GPC6: variants seen among roughly 807,000 people sequenced by gnomAD.
GPC6 encodes the protein glypican-6.
GPC6 carries 14 observed loss-of-function variants against 55.2 expected under a neutral mutation model. The ratio of observed to expected loss-of-function variants is 0.25; its 90% CI spans 0.17 to 0.40. The LOEUF is 0.40. GPC6 is among the 10% of genes least tolerant of loss of function. The pLI is 1.00. For synonymous variants in GPC6, 278 were observed against 259.6 expected, an observed-to-expected ratio of 1.07 and a Z score of -0.68; for missense variants, 641 against 708.5, an observed-to-expected ratio of 0.90 and a Z score of 1.08.
At chr13:93,656,331 CTAAAA>C (rs1594347010) in intron 2 of GPC6, among the ~76,000 whole-genome samples, 1 of 152,024 alleles carries the variant, frequency 6.6e-6, no homozygotes, top group South Asian at 2.1e-4. Context: ...GATTACCAAA[CTAAAA>C]TGTTACCCCT....
intron 4 of GPC6, among the ~76,000 whole-genome samples, chr13:94,175,266 T>C (rs1267747085): frequency 6.6e-6 from 1 of 152,140 alleles, no homozygotes; most frequent in Admixed American, 6.6e-5. Flanking sequence ...TTGTGGATAA[T>C]ATGCTCTCTG....
At chr13:93,314,712 GGTGTGTGTGTGTGTGTGT>G (rs370613459) in intron 1 of GPC6, among the ~76,000 whole-genome samples, 40 of 147,672 alleles carry the variant, frequency 2.7e-4, no homozygotes, top group East Asian at 2.6e-3. Context: ...AACAAGGAGG[GGTGTGTGTGTGTGTGTGT>G]GTGTGTGTGT....
At chr13:94,144,547 ATGTG>A (rs67016286) in intron 4 of GPC6, among the ~76,000 whole-genome samples, 1,899 of 148,396 alleles carry the variant, frequency 0.013, 30 homozygotes, top group African/African-American at 0.039. Context: ...GTGTGTGTGT[ATGTG>A]TGTGTGTGTG....
chr13:93,773,775 TA>T (rs748425481), intron 2 of GPC6, among the ~76,000 whole-genome samples: 15 of 152,322 alleles, frequency 9.8e-5, no homozygotes, highest in Non-Finnish European at 1.2e-4. Flanking sequence ...TAGACTTTAA[TA>T]ACAAGCATTG....
At chr13:93,563,371 T>G (rs1358861836) in intron 2 of GPC6, among the ~76,000 whole-genome samples, 2 of 152,080 alleles carry the variant, frequency 1.3e-5, no homozygotes, top group Non-Finnish European at 2.9e-5. Context: ...CCTTGCAAAG[T>G]TAACAGTAGT....
intron 4 of GPC6, among the ~76,000 whole-genome samples, chr13:94,102,585 CATCCTCAGT>C (rs2138827856): frequency 6.6e-6 from 1 of 151,878 alleles, no homozygotes; most frequent in African/African-American, 2.4e-5. Flanking sequence ...CTGCATTATG[CATCCTCAGT>C]AAGACATAAA....
chr13:93,697,481 A>C (rs894539296), intron 2 of GPC6, among the ~76,000 whole-genome samples: 1 of 152,158 alleles, frequency 6.6e-6, no homozygotes, highest in African/African-American at 2.4e-5. Flanking sequence ...TAATTTGATT[A>C]CTTTTCTCCC....
intron 3 of GPC6, among the ~76,000 whole-genome samples, chr13:93,950,904 A>G (rs1431990476): frequency 6.6e-6 from 1 of 152,132 alleles, no homozygotes; most frequent in Non-Finnish European, 1.5e-5. Flanking sequence ...GAAGAGTTAC[A>G]TATCATTCCC....
intron 4 of GPC6, among the ~76,000 whole-genome samples, chr13:94,193,554 G>A (rs1889467619): frequency 6.6e-6 from 1 of 152,126 alleles, no homozygotes; most frequent in South Asian, 2.1e-4. Context: ...AACAGAACCT[G>A]GTGAGCATGC....
At chr13:93,831,887 G>A (rs1398209862) in intron 3 of GPC6, among the ~76,000 whole-genome samples, 5 of 149,734 alleles carry the variant, frequency 3.3e-5, no homozygotes, top group Admixed American at 2.0e-4. Flanking sequence ...GCAGGAGATC[G>A]AGACCATCCT....
At chr13:93,586,618 G>A (rs1014557824) in intron 2 of GPC6, among the ~76,000 whole-genome samples, 4 of 152,122 alleles carry the variant, frequency 2.6e-5, no homozygotes, top group African/African-American at 7.2e-5. Flanking sequence ...GTAATTCAAG[G>A]TAGATTAAAG....
chr13:94,142,501 A>G (rs941907790), intron 4 of GPC6, among the ~76,000 whole-genome samples: 1 of 152,182 alleles, frequency 6.6e-6, no homozygotes, highest in Non-Finnish European at 1.5e-5. Context: ...ACCACTTAAT[A>G]CTTTAGGATT....
chr13:93,242,293 C>T (rs1876460556), intron 1 of GPC6, among the ~76,000 whole-genome samples: 1 of 152,258 alleles, frequency 6.6e-6, no homozygotes, highest in Non-Finnish European at 1.5e-5. Context: ...TACCTCAGCT[C>T]TACTACAAGC....
Position 93,830,242 on chromosome 13 carries a change from A to G in GPC6, c.408A>G (p.Ser136=), listed in dbSNP as rs1177844567. The change falls in exon 3 of 9, where the codon TCA becomes TCG. Residue 136 remains serine (S), a synonymous_variant. Coordinates refer to ENST00000377047, the MANE Select transcript of GPC6 (RefSeq NM_005708.5). ...ATGGCATGCTGTACATGCAGAATTC[A>G]GAAGTCTTCCAGGACCTCTTCACAG... is the stretch of plus-strand genomic sequence containing the variant. ...RTYGMLYMQN[S]EVFQDLFTEL... 4 of 1,610,568 alleles carry G rather than the reference A, an allele frequency of 2.5e-6. No individual in the cohort carries two copies. The highest frequency in any genetic ancestry group is 3.4e-6 in the Non-Finnish European group (4 of 1,177,518).
intron 1 of GPC6, among the ~76,000 whole-genome samples, chr13:93,397,871 A>G (rs1169014626): frequency 1.3e-5 from 2 of 151,974 alleles, no homozygotes; most frequent in Non-Finnish European, 2.9e-5. Context: ...ATGACCCTGT[A>G]CAGAGTGTGA....
At chr13:93,921,503 G>C (rs1018098833) in intron 3 of GPC6, among the ~76,000 whole-genome samples, 7 of 152,030 alleles carry the variant, frequency 4.6e-5, no homozygotes, top group Non-Finnish European at 8.8e-5. Flanking sequence ...TGGATGGGGA[G>C]CTAGAAAGGG....
intron 3 of GPC6, among the ~76,000 whole-genome samples, chr13:93,965,260 A>C (rs1380157441): frequency 2.6e-5 from 4 of 151,712 alleles, no homozygotes; most frequent in Admixed American, 1.3e-4. Context: ...AAATACAAAA[A>C]ATTAGCCGGG....
intron 6 of GPC6, among the ~76,000 whole-genome samples, chr13:94,346,427 T>TA (rs1256856252): frequency 2.0e-5 from 3 of 152,116 alleles, no homozygotes; most frequent in African/African-American, 7.2e-5. Context: ...GTTTCACTTC[T>TA]AACAAGAATC....
At chr13:93,580,950 T>G (rs1876908727) in intron 2 of GPC6, among the ~76,000 whole-genome samples, 2 of 152,190 alleles carry the variant, frequency 1.3e-5, no homozygotes, top group African/African-American at 4.8e-5. Context: ...AAAAGTGTTT[T>G]TTTTAATTAC....
Sources: gnomAD v4.1 joint callset for allele counts (sites outside exome capture counted in the v4.1 genomes callset) on GRCh38, gnomAD v4.1.1 for gene constraint, MANE v1.5 for transcripts, NCBI Gene and HGNC (gene_info 2026-07-23, HGNC 2026-07-21) for gene names.